MS4A5: variants seen among roughly 807,000 people sequenced by gnomAD.
MS4A5 encodes membrane spanning 4-domains A5.
MS4A5 carries 15 observed loss-of-function variants against 18.2 expected under a neutral mutation model. The observed-to-expected ratio is 0.83, with a 90% CI of 0.55 to 1.27. MS4A5 has a LOEUF of 1.27. Ranked by LOEUF, MS4A5 falls within the 50% of genes most tolerant of loss-of-function variation. MS4A5 has a pLI of 0.00. For synonymous variants in MS4A5, 89 were observed against 78.7 expected, an observed-to-expected ratio of 1.13 and a Z score of -0.69; for missense variants, 232 against 225.7, an observed-to-expected ratio of 1.03 and a Z score of -0.18.
chr11:60,433,276 T>C (rs993904569), intron 3 of MS4A5, among the ~76,000 whole-genome samples: 1 of 152,216 alleles, frequency 6.6e-6, no homozygotes, highest in African/African-American at 2.4e-5. Flanking sequence ...AGATAAATTA[T>C]AAGTAGAATA....
intron 4 of MS4A5, among the ~76,000 whole-genome samples, chr11:60,434,341 T>C (rs6591585): frequency 0.95 from 144,064 of 152,270 alleles, 68,217 homozygotes; most frequent in African/African-American, 0.98. Context: ...TTAGCTGCCT[T>C]CAAAATACCA....
At chr11:60,437,919 A>G (rs1224929985) in intron 4 of MS4A5, among the ~76,000 whole-genome samples, 11 of 152,016 alleles carry the variant, frequency 7.2e-5, no homozygotes, top group East Asian at 5.8e-4. Context: ...TGCACCAAGC[A>G]GACCTAATAG....
In MS4A5 at chr11:60,433,829, T is replaced by C. The variant is rs768517865; in HGVS notation, c.404T>C (p.Leu135Pro). 1 of 1,613,906 alleles carries C rather than the reference T, an allele frequency of 6.2e-7. No homozygotes were observed. The highest frequency in any genetic ancestry group is 8.5e-7 in the Non-Finnish European group (1 of 1,179,736). The change falls in exon 4 of 5, where the codon CTC (leucine) becomes CCC (proline). Residue 135 changes from leucine (L) to proline (P), a missense_variant. Physicochemically the swap from Leu to Pro is moderately conservative, Grantham distance 98. Coordinates refer to ENST00000300190, the MANE Select transcript of MS4A5 (RefSeq NM_023945.3). ...GGAGCAATAGCTGGAATCATTCTCC[T>C]CACATTTGGTTTCATCCTAGATCAA... ...ALGAIAGIIL[L>P]TFGFILDQNY...
chr11:60,442,209 T>C (rs1191132663), intron 4 of MS4A5, among the ~76,000 whole-genome samples: 1 of 152,252 alleles, frequency 6.6e-6, no homozygotes, highest in Non-Finnish European at 1.5e-5. Flanking sequence ...AAATTATATG[T>C]ATTTATCATG....
intron 4 of MS4A5, among the ~76,000 whole-genome samples, chr11:60,445,449 G>A (rs1207438486): frequency 2.0e-5 from 3 of 152,050 alleles, no homozygotes; most frequent in Non-Finnish European, 4.4e-5. Flanking sequence ...TAGTAAAGAT[G>A]GGGTTTCAGC....
At chr11:60,432,824 T>C (rs2086058436) in intron 3 of MS4A5, among the ~76,000 whole-genome samples, 1 of 151,868 alleles carries the variant, frequency 6.6e-6, no homozygotes, top group African/African-American at 2.4e-5. Context: ...TTCCACTTTA[T>C]TAAAAATATA....
At chr11:60,441,456 T>TAAAAAAAAAAAAA (rs201729443) in intron 4 of MS4A5, among the ~76,000 whole-genome samples, 2 of 105,824 alleles carry the variant, frequency 1.9e-5, no homozygotes, top group African/African-American at 3.6e-5. Context: ...AAAAGGCCAT[T>TAAAAAAAAAAAAA]AAAAAAAAAA....
At chr11:60,439,180 A>G (rs1459922269) in intron 4 of MS4A5, among the ~76,000 whole-genome samples, 1 of 128,212 alleles carries the variant, frequency 7.8e-6, no homozygotes, top group Non-Finnish European at 1.6e-5. Flanking sequence ...AAACCACATG[A>G]TTATCTCAAT....
chr11:60,433,977 C>A (rs554738604), intron 4 of MS4A5, 60 bp downstream of exon 4: 15 of 1,426,986 alleles, frequency 1.1e-5, no homozygotes, highest in Non-Finnish European at 1.4e-5. Context: ...TATTTATTAG[C>A]ACTCAATCAG....
chr11:60,436,027 T>A (rs2086078300), intron 4 of MS4A5, among the ~76,000 whole-genome samples: 1 of 152,118 alleles, frequency 6.6e-6, no homozygotes. Flanking sequence ...GACTTAAATG[T>A]CCCTGTCTGA....
At position 60,435,724 on chromosome 11, in the gene MS4A5, G is replaced by A. The variant is rs1239399706; in HGVS notation, c.492+1807G>A. On this transcript the variant is annotated intron_variant, in intron 4 of 4. Transcript: ENST00000300190. ...CACCCGAATACTGCGCTTTTCCGAC[G>A]GGCTTAAAAAACGGCGCACCACGAG... Among the ~76,000 whole-genome samples the A allele has an allele frequency of 7.2e-5, 11 of 152,170 alleles. No homozygotes were observed. In the South Asian group the frequency reaches 1.2e-3, roughly 17 times the overall value.
At chr11:60,430,969 G>A (rs1473800974) in intron 2 of MS4A5, 45 bp downstream of exon 2, 1 of 1,579,010 alleles carries the variant, frequency 6.3e-7, no homozygotes, top group Non-Finnish European at 8.6e-7. Context: ...TGCCAACCAG[G>A]ATGTTAGGGA....
intron 4 of MS4A5, among the ~76,000 whole-genome samples, chr11:60,439,245 C>T (rs1461927947): frequency 8.1e-6 from 1 of 123,820 alleles, no homozygotes; most frequent in Admixed American, 8.7e-5. Context: ...TAAAAACTCT[C>T]AATAAATTAG....
intron 4 of MS4A5, among the ~76,000 whole-genome samples, chr11:60,434,598 A>T (rs1352643596): frequency 6.6e-6 from 1 of 152,238 alleles, no homozygotes; most frequent in African/African-American, 2.4e-5. Flanking sequence ...GTAATGGTTA[A>T]GTATGGCTAT....
intron 4 of MS4A5, among the ~76,000 whole-genome samples, chr11:60,437,608 G>A (rs1459261508): frequency 6.6e-6 from 1 of 151,238 alleles, no homozygotes; most frequent in East Asian, 1.9e-4. Flanking sequence ...ACAAAAAAAG[G>A]CAGGGGTTGC....
chr11:60,441,468 G>GA (rs141966098), intron 4 of MS4A5, among the ~76,000 whole-genome samples: 29,786 of 102,768 alleles, frequency 0.29, 3,880 homozygotes, highest in Admixed American at 0.39. Context: ...AAAAAAAAAA[G>GA]AAAAAAAAAG....
At chr11:60,446,737 A>T (rs2086140298) in intron 4 of MS4A5, among the ~76,000 whole-genome samples, 1 of 151,570 alleles carries the variant, frequency 6.6e-6, no homozygotes, top group Admixed American at 6.6e-5. Context: ...CCGTCTCAAA[A>T]AAAAAAAAAA....
At chr11:60,441,356 C>A (rs2086110764) in intron 4 of MS4A5, among the ~76,000 whole-genome samples, 1 of 116,514 alleles carries the variant, frequency 8.6e-6, no homozygotes, top group Non-Finnish European at 1.7e-5. Context: ...TGCAGGGCAC[C>A]AGCATGGCAC....
chr11:60,435,936 C>A (rs1462086069), intron 4 of MS4A5, among the ~76,000 whole-genome samples: 1 of 152,238 alleles, frequency 6.6e-6, no homozygotes, highest in Non-Finnish European at 1.5e-5. Flanking sequence ...CACGACAGCT[C>A]AAGGAGGCCT....
Sources: allele counts gnomAD v4.1 joint callset (sites outside exome capture counted in the v4.1 genomes callset), GRCh38; gene constraint gnomAD v4.1.1; transcripts MANE v1.5; gene names NCBI Gene and HGNC (gene_info 2026-07-23, HGNC 2026-07-21).